ITPR2: variants seen among roughly 807,000 people sequenced by gnomAD.
ITPR2 encodes inositol 1,4,5-trisphosphate-gated calcium channel ITPR2.
In ITPR2, 207 loss-of-function variants were observed where a neutral mutation model predicts 317.1. That is an observed-to-expected ratio of 0.65 (90% CI 0.58 to 0.73). The LOEUF is 0.73. Ranked by LOEUF, ITPR2 falls within the 30% of genes least tolerant of loss-of-function variation. ITPR2 has a pLI of 0.00. For missense variants in ITPR2, 2,613 were observed against 3,284.0 expected, an observed-to-expected ratio of 0.80 and a Z score of 4.99; for synonymous variants, 1,156 against 1,149.1, an observed-to-expected ratio of 1.01 and a Z score of -0.12.
At chr12:26,608,124 A>AAAAT (rs1231869167) in intron 26 of ITPR2, among the ~76,000 whole-genome samples, 2 of 152,088 alleles carry the variant, frequency 1.3e-5, no homozygotes, top group Non-Finnish European at 2.9e-5. Flanking sequence ...CTGTTTCAAA[A>AAAAT]AAATAAATAA....
intron 1 of ITPR2, among the ~76,000 whole-genome samples, chr12:26,810,858 A>T (rs1277283090): frequency 2.6e-5 from 4 of 151,924 alleles, no homozygotes; most frequent in African/African-American, 7.3e-5. Flanking sequence ...TATAGACAGG[A>T]TCTCACTATG....
intron 10 of ITPR2, among the ~76,000 whole-genome samples, chr12:26,691,668 C>T (rs569970290): frequency 2.0e-5 from 3 of 152,070 alleles, no homozygotes; most frequent in Middle Eastern, 3.2e-3. Context: ...TGCAGGCATC[C>T]GCACAGCAGT....
At chr12:26,825,638 T>TG (rs1332103816) in intron 1 of ITPR2, among the ~76,000 whole-genome samples, 1 of 152,146 alleles carries the variant, frequency 6.6e-6, no homozygotes, top group African/African-American at 2.4e-5. Flanking sequence ...TCAGGGCTCT[T>TG]GAGGAGGGGT....
At chr12:26,350,102 C>A (rs975417989) in intron 55 of ITPR2, among the ~76,000 whole-genome samples, 1 of 152,112 alleles carries the variant, frequency 6.6e-6, no homozygotes, top group African/African-American at 2.4e-5. Context: ...GATGGTCCTG[C>A]GGGCTCTAAG....
At chr12:26,371,640 T>C (rs181140575) in intron 55 of ITPR2, among the ~76,000 whole-genome samples, 16 of 152,318 alleles carry the variant, frequency 1.1e-4, no homozygotes, top group African/African-American at 3.6e-4. Flanking sequence ...GAAGCCAAGG[T>C]TGGCAGAATT....
intron 2 of ITPR2, among the ~76,000 whole-genome samples, chr12:26,746,818 A>G (rs1174174968): frequency 1.8e-5 from 2 of 111,904 alleles, no homozygotes; most frequent in Non-Finnish European, 4.0e-5. Flanking sequence ...TCAGGGGTGC[A>G]TGCATGTGTG....
chr12:26,443,930 A>AAATT (rs1347450159), intron 45 of ITPR2, among the ~76,000 whole-genome samples: 1 of 152,208 alleles, frequency 6.6e-6, no homozygotes, highest in African/African-American at 2.4e-5. Flanking sequence ...GACACTGTCT[A>AAATT]TAGTAAATTT....
chr12:26,672,518 A>G (rs1346766747), intron 13 of ITPR2, among the ~76,000 whole-genome samples: 7 of 151,462 alleles, frequency 4.6e-5, no homozygotes, highest in African/African-American at 1.7e-4. Context: ...CAAAGACACA[A>G]CATACCAGAA....
intron 37 of ITPR2, 35 bp from the exon 38 acceptor site, chr12:26,495,295 T>C: frequency 2.5e-6 from 3 of 1,184,102 alleles, no homozygotes; most frequent in Non-Finnish European, 3.7e-6. Context: ...TACTGTTCCC[T>C]TTTCTAATAA....
At chr12:26,556,096 G>T in intron 36 of ITPR2, 137 bp downstream of exon 36, 1 of 668,170 alleles carries the variant, frequency 1.5e-6, no homozygotes, top group Non-Finnish European at 2.3e-6. Context: ...TATTCTGGCA[G>T]TATATTTTAA....
At chr12:26,361,456 T>A (rs1466106992) in intron 55 of ITPR2, among the ~76,000 whole-genome samples, 1 of 152,206 alleles carries the variant, frequency 6.6e-6, no homozygotes, top group Non-Finnish European at 1.5e-5. Flanking sequence ...TAATTCTTTT[T>A]TAATTTGCTA....
intron 13 of ITPR2, among the ~76,000 whole-genome samples, chr12:26,672,098 A>C (rs1188627835): frequency 6.6e-6 from 1 of 152,182 alleles, no homozygotes; most frequent in Non-Finnish European, 1.5e-5. Context: ...CACATTAATA[A>C]TGGGAGATGT....
intron 42 of ITPR2, among the ~76,000 whole-genome samples, chr12:26,482,128 C>T (rs1010444466): frequency 6.6e-6 from 1 of 152,168 alleles, no homozygotes; most frequent in Non-Finnish European, 1.5e-5. Context: ...GGCCTTATTT[C>T]TCCCTTCATA....
At chr12:26,700,101 A>G (rs1450330987) in intron 9 of ITPR2, among the ~76,000 whole-genome samples, 1 of 152,214 alleles carries the variant, frequency 6.6e-6, no homozygotes, top group African/African-American at 2.4e-5. Context: ...TAAGACATAA[A>G]TACAGTCAGC....
intron 45 of ITPR2, among the ~76,000 whole-genome samples, chr12:26,474,617 C>T (rs1942369013): frequency 6.6e-6 from 1 of 151,520 alleles, no homozygotes; most frequent in African/African-American, 2.4e-5. Flanking sequence ...AGCGGTGAAA[C>T]CCCGTCTCTA....
Position 26,715,360 on chromosome 12 carries a change from C to T in ITPR2, c.794G>A (p.Arg265His), listed in dbSNP as rs749647983. 2 of 1,613,590 alleles carry T rather than the reference C, an allele frequency of 1.2e-6. No individual in the cohort carries two copies. The highest frequency in any genetic ancestry group is 1.1e-5 in the South Asian group (1 of 91,044). Residue 265 changes from arginine to histidine, a missense_variant, in exon 8 of 57, where the codon CGT becomes CAT. Arg to His is a conservative substitution (Grantham distance 29, BLOSUM62 0). Around this residue, in one of 9 missense-constraint regions of ITPR2, gnomAD observed 515 missense variants for 789.4 expected, o/e 0.65. Coordinates refer to ENST00000381340, the MANE Select transcript of ITPR2 (RefSeq NM_002223.4). ...EYEKKQHIFL[R>H]TTLRQSATSA... Reference sequence around the variant, plus strand: ...AGTAGCTGATTGGCGCAAGGTCGTACGAAGGAAAATGTGCTGTTTTTTCTC... The same window carrying T: ...AGTAGCTGATTGGCGCAAGGTCGTATGAAGGAAAATGTGCTGTTTTTTCTC...
chr12:26,505,837 G>C (rs1943170669), intron 37 of ITPR2, among the ~76,000 whole-genome samples: 1 of 152,088 alleles, frequency 6.6e-6, no homozygotes, highest in South Asian at 2.1e-4. Context: ...AAAATTTGAT[G>C]CTGAGTGCCA....
At chr12:26,607,350 C>T (rs145560607) in intron 26 of ITPR2, among the ~76,000 whole-genome samples, 6 of 152,240 alleles carry the variant, frequency 3.9e-5, no homozygotes, top group East Asian at 3.9e-4. Context: ...ATATTTGATT[C>T]GCCAATCAGA....
intron 37 of ITPR2, among the ~76,000 whole-genome samples, chr12:26,542,879 G>A (rs1289626085): frequency 6.6e-6 from 1 of 152,104 alleles, no homozygotes; most frequent in Non-Finnish European, 1.5e-5. Context: ...AGAATGTAAA[G>A]AGAATAACTG....
Sources: allele counts gnomAD v4.1 joint callset (sites outside exome capture counted in the v4.1 genomes callset), GRCh38; gene constraint gnomAD v4.1.1; regional missense constraint gnomAD v4.1.1; transcripts MANE v1.5; gene names NCBI Gene and HGNC (gene_info 2026-07-23, HGNC 2026-07-21).